Variants in CLSTN2 observed in about 807,000 individuals in gnomAD.
The protein encoded by CLSTN2 is calsyntenin 2.
Under a neutral mutation model 101.2 loss-of-function variants are expected in CLSTN2, and 48 were observed. That is an observed-to-expected ratio of 0.47 (90% CI 0.38 to 0.60). The LOEUF is 0.60. CLSTN2 is among the 20% of genes least tolerant of loss of function. CLSTN2 has a pLI of 0.00. For missense variants in CLSTN2, 1,160 were observed against 1,238.2 expected, an observed-to-expected ratio of 0.94 and a Z score of 0.95; for synonymous variants, 481 against 463.6, an observed-to-expected ratio of 1.04 and a Z score of -0.48.
intron 1 of CLSTN2, among the ~76,000 whole-genome samples, chr3:140,081,300 A>G (rs953029167): frequency 3.9e-5 from 6 of 152,260 alleles, no homozygotes; most frequent in African/African-American, 1.2e-4. Context: ...GAAAGTATTG[A>G]CAGCAATGGA....
chr3:140,563,590 G>A (rs1175418633), intron 15 of CLSTN2, among the ~76,000 whole-genome samples: 1 of 152,076 alleles, frequency 6.6e-6, no homozygotes. Flanking sequence ...TTACCATCTG[G>A]TGGGCACTTG....
intron 5 of CLSTN2, among the ~76,000 whole-genome samples, chr3:140,431,780 C>T (rs906040649): frequency 6.6e-6 from 1 of 152,312 alleles, no homozygotes; most frequent in Admixed American, 6.5e-5. Flanking sequence ...CTGAACCCAA[C>T]CCTTAGCTGG....
chr3:140,188,072 C>G (rs1304251123), intron 2 of CLSTN2, among the ~76,000 whole-genome samples: 1 of 152,268 alleles, frequency 6.6e-6, no homozygotes, highest in African/African-American at 2.4e-5. Flanking sequence ...TGTGAGCCTG[C>G]CTTCTCACTA....
chr3:140,065,903 C>T (rs80142474), intron 1 of CLSTN2, among the ~76,000 whole-genome samples: 3,207 of 152,220 alleles, frequency 0.021, 129 homozygotes, highest in African/African-American at 0.073. Flanking sequence ...ATGATCTGCC[C>T]AACCATGGTG....
intron 1 of CLSTN2, among the ~76,000 whole-genome samples, chr3:140,151,681 T>C (rs2009869064): frequency 6.6e-6 from 1 of 152,020 alleles, no homozygotes; most frequent in Non-Finnish European, 1.5e-5. Context: ...AAGCAAATCC[T>C]CCTGAAGCTA....
At chr3:140,073,878 A>G (rs184755412) in intron 1 of CLSTN2, among the ~76,000 whole-genome samples, 85 of 152,308 alleles carry the variant, frequency 5.6e-4, no homozygotes, top group Admixed American at 4.8e-3. Context: ...TCTGTGATTT[A>G]CAGTCCTGTG....
At chr3:140,191,713 A>C (rs1439678536) in intron 2 of CLSTN2, among the ~76,000 whole-genome samples, 1 of 151,906 alleles carries the variant, frequency 6.6e-6, no homozygotes, top group Non-Finnish European at 1.5e-5. Flanking sequence ...TATCCTTTTG[A>C]TATCTGCAGG....
At chr3:140,394,064 T>C (rs566762280) in intron 2 of CLSTN2, among the ~76,000 whole-genome samples, 12 of 152,296 alleles carry the variant, frequency 7.9e-5, no homozygotes, top group African/African-American at 2.9e-4. Context: ...GAAGTGCCTG[T>C]CTGGGCTGGT....
At chr3:140,257,865 A>C (rs1364870790) in intron 2 of CLSTN2, among the ~76,000 whole-genome samples, 1 of 152,156 alleles carries the variant, frequency 6.6e-6, no homozygotes, top group Non-Finnish European at 1.5e-5. Flanking sequence ...TCTTTCCTTA[A>C]GATAAAGTCC....
At chr3:140,161,604 A>G (rs2010047778) in intron 1 of CLSTN2, among the ~76,000 whole-genome samples, 1 of 152,094 alleles carries the variant, frequency 6.6e-6, no homozygotes, top group East Asian at 1.9e-4. Flanking sequence ...GCATTGATCA[A>G]CCCTCCCTAA....
Position 140,403,696 on chromosome 3 carries a change from A to C in CLSTN2, c.300A>C (p.Thr100=). 6.2e-7 allele frequency: 1 copy of C among 1,614,200 alleles called. No homozygotes were observed. Among genetic ancestry groups the C allele is most frequent in the East Asian group, 2.2e-5 (1 of 44,878 alleles). The change falls in exon 3 of 17, where the codon ACA becomes ACC. Residue 100 remains threonine, a synonymous_variant. Transcript: ENST00000458420. ...LPFEAVVLNK[T]SGEGRLRAKS... ...TTGAGGCTGTGGTGCTCAACAAGACATCAGGAGAGGGCCGGCTCCGTGCCA... is the reference window on the plus strand; with the variant it reads ...TTGAGGCTGTGGTGCTCAACAAGACCTCAGGAGAGGGCCGGCTCCGTGCCA...
At chr3:140,137,799 A>G (rs957533714) in intron 1 of CLSTN2, among the ~76,000 whole-genome samples, 1 of 152,138 alleles carries the variant, frequency 6.6e-6, no homozygotes, top group Admixed American at 6.5e-5. Context: ...CTGCTTCCCT[A>G]TTCCTCTGTC....
At chr3:140,542,555 C>G (rs952688106) in intron 9 of CLSTN2, among the ~76,000 whole-genome samples, 1 of 152,052 alleles carries the variant, frequency 6.6e-6, no homozygotes, top group African/African-American at 2.4e-5. Context: ...TTCAATATAT[C>G]TATTATTTTT....
chr3:140,017,066 T>G (rs932398641), intron 1 of CLSTN2, among the ~76,000 whole-genome samples: 2 of 152,218 alleles, frequency 1.3e-5, no homozygotes, highest in African/African-American at 2.4e-5. Context: ...GTTAGAGTGC[T>G]CTTTCATGAA....
At chr3:140,544,564 T>G (rs1339503496) in intron 9 of CLSTN2, among the ~76,000 whole-genome samples, 1 of 152,168 alleles carries the variant, frequency 6.6e-6, no homozygotes, top group East Asian at 1.9e-4. Flanking sequence ...TTTTTAAGGA[T>G]CTCCAAATGA....
intron 9 of CLSTN2, among the ~76,000 whole-genome samples, chr3:140,534,676 A>C (rs173256): frequency 2.6e-5 from 4 of 152,236 alleles, no homozygotes; most frequent in Non-Finnish European, 5.9e-5. Flanking sequence ...AACTCTTAAA[A>C]CTTCCACCTA....
chr3:140,563,187 C>A lies in CLSTN2; in HGVS notation c.2466C>A (p.Ser822Arg), dbSNP rs772461152. The A allele has an allele frequency of 6.2e-7, 1 of 1,614,060 alleles. No individual in the cohort carries two copies. Residue 822 changes from serine (S) to arginine (R), a missense_variant, in exon 15 of 17, where the codon AGC becomes AGA. Transcript: ENST00000458420. The part of the protein sequence containing the change: ...QSVHHPESRS[S>R]IQHSSVVPSI... Reference sequence around the variant, plus strand: ...TCCATCATCCTGAGTCCCGGAGTAGCATCCAGCACAGTTCAGGTAGGGTGC... The same window carrying A: ...TCCATCATCCTGAGTCCCGGAGTAGAATCCAGCACAGTTCAGGTAGGGTGC...
At chr3:140,380,872 G>C (rs1334670948) in intron 2 of CLSTN2, among the ~76,000 whole-genome samples, 1 of 152,224 alleles carries the variant, frequency 6.6e-6, no homozygotes, top group Non-Finnish European at 1.5e-5. Flanking sequence ...GGTGGATCTT[G>C]AAGGGCAATT....
At chr3:140,297,490 C>G (rs1407522473) in intron 2 of CLSTN2, among the ~76,000 whole-genome samples, 2 of 152,204 alleles carry the variant, frequency 1.3e-5, no homozygotes, top group Non-Finnish European at 2.9e-5. Flanking sequence ...TCACTACAGA[C>G]AGCAGGAATT....
Sources: gnomAD v4.1 joint callset for allele counts (sites outside exome capture counted in the v4.1 genomes callset) on GRCh38, gnomAD v4.1.1 for gene constraint, MANE v1.5 for transcripts, NCBI Gene and HGNC (gene_info 2026-07-23, HGNC 2026-07-21) for gene names.